PXDNL: variants seen among roughly 807,000 people sequenced by gnomAD.
The protein encoded by PXDNL is probable oxidoreductase PXDNL.
PXDNL carries 145 observed loss-of-function variants against 150.8 expected under a neutral mutation model. That is an observed-to-expected ratio of 0.96 (90% CI 0.84 to 1.10). PXDNL has a LOEUF of 1.10. Ranked by LOEUF, PXDNL falls within the 50% of genes least tolerant of loss-of-function variation. PXDNL has a pLI of 0.00. For synonymous variants in PXDNL, 757 were observed against 725.7 expected, an observed-to-expected ratio of 1.04 and a Z score of -0.69; for missense variants, 2,087 against 1,873.9, an observed-to-expected ratio of 1.11 and a Z score of -2.10.
intron 1 of PXDNL, among the ~76,000 whole-genome samples, chr8:51,697,425 A>C (rs922462688): frequency 7.9e-5 from 12 of 152,140 alleles, no homozygotes; most frequent in Non-Finnish European, 1.3e-4. Flanking sequence ...TAATACAAGC[A>C]TATATAGTGT....
intron 1 of PXDNL, among the ~76,000 whole-genome samples, chr8:51,716,332 C>T (rs540240002): frequency 6.6e-6 from 1 of 152,324 alleles, no homozygotes; most frequent in African/African-American, 2.4e-5. Context: ...TTCAAAAAGA[C>T]AAAAATCCTA....
At chr8:51,399,754 A>C (rs1470084855) in intron 17 of PXDNL, among the ~76,000 whole-genome samples, 2 of 152,210 alleles carry the variant, frequency 1.3e-5, no homozygotes, top group Non-Finnish European at 2.9e-5. Flanking sequence ...TTAACTGAAA[A>C]TTTAGTTTAG....
intron 1 of PXDNL, among the ~76,000 whole-genome samples, chr8:51,792,779 C>T (rs1045394464): frequency 7.9e-5 from 12 of 152,188 alleles, no homozygotes; most frequent in African/African-American, 2.9e-4. Context: ...GCGGGGCCTC[C>T]CTGCTGGAGT....
intron 12 of PXDNL, chr8:51,436,302 AC>A (rs1213706791): frequency 2.1e-6 from 1 of 480,698 alleles, no homozygotes; most frequent in Non-Finnish European, 4.2e-6. Flanking sequence ...TAGAAATAGG[AC>A]CTTGTTTTGT....
intron 4 of PXDNL, among the ~76,000 whole-genome samples, chr8:51,518,006 T>C (rs1159636833): frequency 6.6e-6 from 1 of 152,256 alleles, no homozygotes; most frequent in Non-Finnish European, 1.5e-5. Context: ...TTTATCTTCA[T>C]ATAATAGCAA....
intron 12 of PXDNL, among the ~76,000 whole-genome samples, chr8:51,437,243 G>A (rs1268667038): frequency 6.6e-6 from 1 of 152,132 alleles, no homozygotes; most frequent in Admixed American, 6.5e-5. Context: ...ATTCATAGCT[G>A]AATTCTATCA....
intron 2 of PXDNL, among the ~76,000 whole-genome samples, chr8:51,608,154 C>T (rs1813904130): frequency 6.8e-6 from 1 of 147,974 alleles, no homozygotes. Context: ...CTTTGGGAGG[C>T]CGAGGTGGGC....
chr8:51,564,801 T>C (rs573699414), intron 3 of PXDNL, among the ~76,000 whole-genome samples: 2 of 152,100 alleles, frequency 1.3e-5, no homozygotes, highest in Non-Finnish European at 2.9e-5. Flanking sequence ...TGAAATTTTG[T>C]ATATGGGAAA....
chr8:51,413,089 T>TA, intron 15 of PXDNL, 61 bp downstream of exon 15: 2 of 1,071,476 alleles, frequency 1.9e-6, no homozygotes, highest in Non-Finnish European at 2.9e-6. Flanking sequence ...ATGGAGATGA[T>TA]AAAAACTAAG....
chr8:51,473,211 G>A (rs1212186391), intron 7 of PXDNL, among the ~76,000 whole-genome samples: 1 of 150,808 alleles, frequency 6.6e-6, no homozygotes, highest in African/African-American at 2.4e-5. Flanking sequence ...ATGAAGCAGT[G>A]TTCAAAATAG....
At chr8:51,476,287 C>G (rs981650297) in intron 6 of PXDNL, among the ~76,000 whole-genome samples, 6 of 152,280 alleles carry the variant, frequency 3.9e-5, no homozygotes, top group Middle Eastern at 3.4e-3. Context: ...CCACGCAGCT[C>G]CCCCAGGAGT....
At chr8:51,353,001 T>C (rs1806399954) in intron 19 of PXDNL, among the ~76,000 whole-genome samples, 1 of 152,080 alleles carries the variant, frequency 6.6e-6, no homozygotes, top group South Asian at 2.1e-4. Flanking sequence ...TTGAGTACAA[T>C]GGTACAAAGA....
At chr8:51,625,819 G>T (rs1814350738) in intron 2 of PXDNL, among the ~76,000 whole-genome samples, 1 of 152,138 alleles carries the variant, frequency 6.6e-6, no homozygotes, top group African/African-American at 2.4e-5. Context: ...ATTTAAAACA[G>T]ATTTTTTTAG....
chr8:51,753,687 C>T (rs761534153), intron 1 of PXDNL, among the ~76,000 whole-genome samples: 7 of 152,164 alleles, frequency 4.6e-5, no homozygotes, highest in African/African-American at 7.2e-5. Flanking sequence ...GGGAATACTC[C>T]TTTACAAGGA....
intron 2 of PXDNL, among the ~76,000 whole-genome samples, chr8:51,620,917 G>A (rs1267609716): frequency 6.6e-6 from 1 of 152,054 alleles, no homozygotes; most frequent in African/African-American, 2.4e-5. Context: ...CACTTCCTCA[G>A]GACAATATAT....
At chr8:51,399,673 T>C (rs1808189281) in intron 17 of PXDNL, among the ~76,000 whole-genome samples, 1 of 152,224 alleles carries the variant, frequency 6.6e-6, no homozygotes, top group Non-Finnish European at 1.5e-5. Context: ...GGTATGAATA[T>C]TGTTCAAAGG....
At chr8:51,370,362 A>T (rs1807063525) in intron 19 of PXDNL, among the ~76,000 whole-genome samples, 1 of 152,176 alleles carries the variant, frequency 6.6e-6, no homozygotes, top group Admixed American at 6.5e-5. Flanking sequence ...TCTGCTCAGC[A>T]GGCCCTATGT....
chr8:51,588,581 T>A lies in PXDNL; in HGVS notation c.308+4046A>T, dbSNP rs149406960. 1.4e-4 allele frequency among the ~76,000 whole-genome samples: 22 copies of A among 152,362 alleles called. No individual in the cohort carries two copies. In the East Asian group the frequency reaches 1.7e-3, roughly 12 times the overall value. On this transcript the variant is annotated intron_variant, in intron 3 of 22. Transcript: ENST00000356297. ...GCCTCTGCAACATTGAACATCTGTC[T>A]TATTCAAAATTAATTTCCTGCTAAT...
chr8:51,404,154 A>G (rs1394535832), intron 17 of PXDNL, among the ~76,000 whole-genome samples: 1 of 152,240 alleles, frequency 6.6e-6, no homozygotes, highest in Non-Finnish European at 1.5e-5. Context: ...CAGCTCATAA[A>G]GGCAGTGTGA....
Sources: gnomAD v4.1 joint callset for allele counts (sites outside exome capture counted in the v4.1 genomes callset) on GRCh38, gnomAD v4.1.1 for gene constraint, MANE v1.5 for transcripts, NCBI Gene and HGNC (gene_info 2026-07-23, HGNC 2026-07-21) for gene names.